TEP1: variants seen among roughly 807,000 people sequenced by gnomAD.
TEP1 encodes telomerase protein component 1.
Under a neutral mutation model 306.3 loss-of-function variants are expected in TEP1, and 241 were observed. The observed-to-expected ratio is 0.79, with a 90% CI of 0.71 to 0.88. TEP1 has a LOEUF of 0.88. Ranked by LOEUF, TEP1 falls within the 40% of genes least tolerant of loss-of-function variation. TEP1 has a pLI of 0.00. For missense variants in TEP1, 3,051 were observed against 3,276.1 expected, an observed-to-expected ratio of 0.93 and a Z score of 1.68; for synonymous variants, 1,289 against 1,305.5, an observed-to-expected ratio of 0.99 and a Z score of 0.27.
intron 17 of TEP1, among the ~76,000 whole-genome samples, chr14:20,388,845 C>T (rs148006830): frequency 0.048 from 7,239 of 152,190 alleles, 190 homozygotes; most frequent in South Asian, 0.091. Context: ...TGAACTACCT[C>T]ACTTTAAAAA....
rs772497739 is a variant in TEP1 at position 20,396,748 on chromosome 14, T to C, written c.1550-18A>G. 5.7e-6 allele frequency: 9 copies of C among 1,572,194 alleles called. No homozygotes were observed. The highest frequency in any genetic ancestry group is 2.3e-5 in the South Asian group (2 of 87,830). ...CCCATTTTCTGTGGAATGTGGGGCATAGAGTGAGAAAAACAAATGAGAAGG... is the reference window on the plus strand; with the variant it reads ...CCCATTTTCTGTGGAATGTGGGGCACAGAGTGAGAAAAACAAATGAGAAGG... On this transcript the variant is annotated intron_variant, in intron 9 of 54. Transcript: ENST00000262715.
chr14:20,397,760 T>C (rs1224828091), intron 9 of TEP1, among the ~76,000 whole-genome samples: 1 of 152,010 alleles, frequency 6.6e-6, no homozygotes, highest in Admixed American at 6.5e-5. Context: ...TAGTTTCTTT[T>C]CTTTTTTTTT....
intron 9 of TEP1, among the ~76,000 whole-genome samples, chr14:20,399,328 C>T (rs548604861): frequency 2.0e-5 from 3 of 152,066 alleles, no homozygotes; most frequent in South Asian, 4.1e-4. Flanking sequence ...AGATCATTTT[C>T]GGTAAGAAAT....
At chr14:20,391,479 T>C in intron 13 of TEP1, 120 bp downstream of exon 13, 2 of 1,186,852 alleles carry the variant, frequency 1.7e-6, no homozygotes, top group Non-Finnish European at 2.4e-6. Flanking sequence ...AGCAAATTCA[T>C]ATCATTTATT....
chr14:20,383,858 A>G lies in TEP1; in HGVS notation c.3595T>C (p.Phe1199Leu). Residue 1199 changes from phenylalanine to leucine, a missense_variant, in exon 25 of 55, where the codon TTC becomes CTC. Physicochemically the swap from Phe to Leu is conservative, Grantham distance 22. Coordinates refer to ENST00000262715, the MANE Select transcript of TEP1 (RefSeq NM_007110.5). The stretch of plus-strand genomic sequence containing the variant: ...TCAGGACGAGCCCCAGAAAAGTGGA[A>G]GAAGACTAATGATGCCACCTTGGCC... ...DGAKVASLVF[F>L]HFSGARPDQG... The G allele has an allele frequency of 1.2e-6, 2 of 1,604,518 alleles. No individual in the cohort carries two copies. The highest frequency in any genetic ancestry group is 1.7e-6 in the Non-Finnish European group (2 of 1,179,316).
chr14:20,390,234 AT>A (rs1474839677), intron 15 of TEP1, among the ~76,000 whole-genome samples: 2 of 152,212 alleles, frequency 1.3e-5, no homozygotes, highest in Non-Finnish European at 2.9e-5. Context: ...GTCTCAAAAA[AT>A]AAAAATCAGA....
At chr14:20,407,779 G>T (rs1026212231) in intron 2 of TEP1, 94 bp downstream of exon 2, 5 of 1,158,636 alleles carry the variant, frequency 4.3e-6, no homozygotes, top group Admixed American at 2.3e-5. Context: ...GCCAGACACA[G>T]AGCAGCACAG....
At chr14:20,385,671 C>T (rs1337509000) in intron 20 of TEP1, among the ~76,000 whole-genome samples, 1 of 152,208 alleles carries the variant, frequency 6.6e-6, no homozygotes, top group African/African-American at 2.4e-5. Flanking sequence ...CTGCACCTGG[C>T]CCTGTTACAG....
intron 44 of TEP1, 90 bp from the exon 45 acceptor site, chr14:20,373,900 G>T: frequency 1.3e-6 from 2 of 1,510,292 alleles, no homozygotes; most frequent in South Asian, 2.5e-5. Context: ...GGAGCATTAG[G>T]AGCATGGAAG....
At chr14:20,404,572 T>A (rs1204150830) in intron 5 of TEP1, 39 bp downstream of exon 5, 2 of 1,586,956 alleles carry the variant, frequency 1.3e-6, no homozygotes, top group Non-Finnish European at 1.7e-6. Flanking sequence ...AGAGAAGGAA[T>A]GAAGTGAAGG....
chr14:20,379,779 T>G, intron 35 of TEP1, 151 bp downstream of exon 35: 1 of 995,078 alleles, frequency 1.0e-6, no homozygotes, highest in Non-Finnish European at 1.4e-6. Context: ...GTGTGATTGA[T>G]TTTTTGGCCA....
chr14:20,386,285 C>A, intron 19 of TEP1, 90 bp from the exon 20 acceptor site: 20 of 1,600,154 alleles, frequency 1.2e-5, no homozygotes, highest in Non-Finnish European at 1.7e-5. Context: ...GGCCCTGACT[C>A]GCAACTGAGT....
Position 20,382,176 on chromosome 14 carries a change from C to A in TEP1, c.4273+48G>T, listed in dbSNP as rs749193909. On this transcript the variant is annotated intron_variant, in intron 29 of 54. Coordinates refer to ENST00000262715, the MANE Select transcript of TEP1 (RefSeq NM_007110.5). ...GAGACCCCAAGGGAACCAATGTAAT[C>A]CGAACCCTGGCCCTCAGCCTCCCAA... The A allele has an allele frequency of 5.0e-6, 8 of 1,613,336 alleles. No homozygotes were observed. In the Admixed American group the frequency reaches 1.0e-4, roughly 20 times the overall value.
In TEP1 at chr14:20,385,850, C is replaced by A. The variant is rs1724864656; in HGVS notation, c.2982+225G>T. Among the ~76,000 whole-genome samples the A allele has an allele frequency of 3.9e-5, 6 of 152,296 alleles. No individual in the cohort carries two copies. The South Asian group carries it at 1.2e-3, about 32-fold the overall frequency. Reference sequence around the variant, plus strand: ...TATCTGATGGCAACACCTAAGCAGACCCACCCTCTTACTTTTGCTCATGGC... The same window carrying A: ...TATCTGATGGCAACACCTAAGCAGAACCACCCTCTTACTTTTGCTCATGGC... On this transcript the variant is annotated intron_variant, in intron 20 of 54. Coordinates refer to ENST00000262715, the MANE Select transcript of TEP1 (RefSeq NM_007110.5).
At chr14:20,379,900 G>C (rs746053406) in intron 35 of TEP1, 30 bp downstream of exon 35, 3 of 1,596,222 alleles carry the variant, frequency 1.9e-6, no homozygotes, top group Non-Finnish European at 2.6e-6. Flanking sequence ...TTTTCAGAGG[G>C]TAAATTCTGC....
chr14:20,404,949 C>G (rs1879057811), intron 4 of TEP1, among the ~76,000 whole-genome samples, 177 bp from the exon 5 acceptor site: 3 of 152,208 alleles, frequency 2.0e-5, no homozygotes, highest in Admixed American at 2.0e-4. Context: ...CATACTCTAT[C>G]CCTTACTCAA....
At chr14:20,382,505 C>A in intron 28 of TEP1, 118 bp downstream of exon 28, 1 of 1,525,172 alleles carries the variant, frequency 6.6e-7, no homozygotes, top group Non-Finnish European at 9.0e-7. Flanking sequence ...AGGTATGAGG[C>A]GAGGATAGGG....
chr14:20,393,341 T>C (rs1877894070), intron 12 of TEP1, among the ~76,000 whole-genome samples: 1 of 152,250 alleles, frequency 6.6e-6, no homozygotes, highest in Admixed American at 6.5e-5. Context: ...TTTTTTATAC[T>C]AATTTTTTAA....
At chr14:20,386,277 C>G in intron 19 of TEP1, 82 bp from the exon 20 acceptor site, 1 of 1,602,772 alleles carries the variant, frequency 6.2e-7, no homozygotes, top group Non-Finnish European at 8.5e-7. Context: ...GGAGACGGGG[C>G]CCTGACTCGC....
Sources: allele counts gnomAD v4.1 joint callset (sites outside exome capture counted in the v4.1 genomes callset), GRCh38; gene constraint gnomAD v4.1.1; transcripts MANE v1.5; gene names NCBI Gene and HGNC (gene_info 2026-07-23, HGNC 2026-07-21).